Variants in LARGE1 observed in about 807,000 individuals in gnomAD.
LARGE1 encodes the protein LARGE xylosyl- and glucuronyltransferase 1.
Under a neutral mutation model 87.6 loss-of-function variants are expected in LARGE1, and 43 were observed. That is an observed-to-expected ratio of 0.49 (90% confidence interval 0.38 to 0.63). The LOEUF is 0.63. Ranked by LOEUF, LARGE1 falls within the 30% of genes least tolerant of loss-of-function variation. LARGE1 has a pLI of 0.00. For synonymous variants in LARGE1, 434 were observed against 394.6 expected (o/e 1.10, Z -1.18); for missense variants, 802 against 1,000.2 (o/e 0.80, Z 2.67).
intron 6 of LARGE1, among the ~76,000 whole-genome samples, chr22:33,448,483 T>C (rs1399803477): frequency 1.3e-5 from 2 of 152,214 alleles, no homozygotes; most frequent in Admixed American, 1.3e-4. Flanking sequence ...GTTTATCCTA[T>C]TTAATCTTCA....
chr22:33,869,404 A>G (rs2064207966), intron 1 of LARGE1, among the ~76,000 whole-genome samples: 1 of 152,156 alleles, frequency 6.6e-6, no homozygotes, highest in South Asian at 2.1e-4. Context: ...CAAGTAGGGA[A>G]AAAAAAAGTA....
At chr22:33,225,391 G>A (rs1925683374) in intron 11 of LARGE1, among the ~76,000 whole-genome samples, 1 of 152,238 alleles carries the variant, frequency 6.6e-6, no homozygotes, top group East Asian at 1.9e-4. Context: ...GCTGGGCACT[G>A]TGCTAGCTGC....
intron 5 of LARGE1, among the ~76,000 whole-genome samples, chr22:33,595,320 GAAAAAAGGTGAGTTGGGACACTT>G (rs1273528583): frequency 1.3e-5 from 2 of 152,080 alleles, no homozygotes; most frequent in African/African-American, 4.8e-5. Flanking sequence ...CTCAGGATGA[GAAAAAAGGTGAGTTGGGACACTT>G]CACTGCTTTT....
Position 33,460,060 on chromosome 22 carries a change from C to T in LARGE1, c.788-27795G>A, listed in dbSNP as rs1240771661. On this transcript the variant is annotated intron_variant, in intron 6 of 14. Transcript: ENST00000397394. ...CTGCCTCTGGACATCCCCCTGGGGT[C>T]TTCAAACGCATGGCATGGCGCTAAG... Among the ~76,000 whole-genome samples, 3 of 152,244 alleles carry T rather than the reference C, an allele frequency of 2.0e-5. 1 individual carries two copies. Among genetic ancestry groups the T allele is most frequent in the South Asian group, 4.1e-4 (2 of 4,838 alleles).
chr22:33,253,627 G>A (rs1477399019), intron 11 of LARGE1, among the ~76,000 whole-genome samples: 2 of 152,192 alleles, frequency 1.3e-5, no homozygotes, highest in African/African-American at 2.4e-5. Context: ...CAGGAGAATC[G>A]CTTGAACCCG....
chr22:33,319,189 G>C (rs144008415), intron 10 of LARGE1, among the ~76,000 whole-genome samples: 1 of 152,268 alleles, frequency 6.6e-6, no homozygotes, highest in East Asian at 1.9e-4. Context: ...CTAGAATCAT[G>C]ATGTATTTTT....
At chr22:33,744,990 A>C (rs239335) in intron 2 of LARGE1, among the ~76,000 whole-genome samples, 39,856 of 152,128 alleles carry the variant, frequency 0.26, 5,817 homozygotes, top group East Asian at 0.46. Context: ...CAAGTGCTTT[A>C]GAGCAGCACA....
At chr22:33,762,057 A>C (rs2084750823) in intron 1 of LARGE1, among the ~76,000 whole-genome samples, 2 of 151,980 alleles carry the variant, frequency 1.3e-5, no homozygotes, top group Non-Finnish European at 2.9e-5. Flanking sequence ...CTGTACTAAA[A>C]GCACAAAAAT....
At chr22:33,731,152 T>C (rs1262751522) in intron 2 of LARGE1, among the ~76,000 whole-genome samples, 2 of 151,908 alleles carry the variant, frequency 1.3e-5, no homozygotes, top group Non-Finnish European at 1.5e-5. Context: ...ACCAGGCGCC[T>C]ACCACCATGC....
At chr22:33,086,066 C>T in the LARGE1 span, among the ~76,000 whole-genome samples, 7 of 152,266 alleles carry the variant, frequency 4.6e-5, no homozygotes, top group African/African-American at 1.4e-4. Context: ...CACCTGTGCA[C>T]ATGAGGCCTT....
chr22:33,301,190 G>C (rs1036902947), intron 12 of LARGE1, among the ~76,000 whole-genome samples: 21 of 152,246 alleles, frequency 1.4e-4, no homozygotes, highest in African/African-American at 5.1e-4. Flanking sequence ...CTACTCACCA[G>C]AAAAAATGTC....
the LARGE1 span, among the ~76,000 whole-genome samples, chr22:33,101,019 A>AT: frequency 4.6e-4 from 69 of 151,414 alleles, no homozygotes; most frequent in Non-Finnish European, 8.1e-4. Flanking sequence ...CTAATTTTTT[A>AT]TTTTTAGTAG....
chr22:33,427,979 AT>A (rs1220579308), intron 7 of LARGE1, among the ~76,000 whole-genome samples: 1 of 152,088 alleles, frequency 6.6e-6, no homozygotes, highest in Non-Finnish European at 1.5e-5. Context: ...CTAAATAGTC[AT>A]TTTTTTTCCT....
chr22:33,884,328 C>G (rs73406676), intron 1 of LARGE1, among the ~76,000 whole-genome samples: 1 of 152,164 alleles, frequency 6.6e-6, no homozygotes, highest in Non-Finnish European at 1.5e-5. Flanking sequence ...GGTCACTGTA[C>G]GTTGACCCTC....
chr22:33,879,609 T>G (rs962042807), intron 1 of LARGE1, among the ~76,000 whole-genome samples: 6 of 152,340 alleles, frequency 3.9e-5, no homozygotes, highest in Non-Finnish European at 8.8e-5. Flanking sequence ...ATCGACTTAT[T>G]CTGGCAGGTC....
At chr22:33,442,031 A>G (rs752125467) in intron 6 of LARGE1, among the ~76,000 whole-genome samples, 2 of 152,240 alleles carry the variant, frequency 1.3e-5, no homozygotes, top group Non-Finnish European at 2.9e-5. Flanking sequence ...TGGCTCAGGG[A>G]TAATCCCTTC....
downstream of LARGE1, among the ~76,000 whole-genome samples, chr22:33,270,047 C>A (rs921012043): frequency 6.6e-6 from 1 of 151,658 alleles, no homozygotes; most frequent in Admixed American, 6.6e-5. Flanking sequence ...TACAACAAAC[C>A]AATGACCAAA....
chr22:33,444,430 C>T (rs1046399590), intron 6 of LARGE1, among the ~76,000 whole-genome samples: 9 of 152,136 alleles, frequency 5.9e-5, no homozygotes, highest in Non-Finnish European at 4.4e-5. Context: ...CTTGCTCTGT[C>T]ATCCAGGCTG....
intron 6 of LARGE1, among the ~76,000 whole-genome samples, chr22:33,540,400 T>G (rs980913692): frequency 2.0e-5 from 3 of 152,130 alleles, no homozygotes; most frequent in African/African-American, 7.2e-5. Flanking sequence ...GCCCTGACCT[T>G]TTCTGGTATT....
Sources: allele counts gnomAD v4.1 joint callset (sites outside exome capture counted in the v4.1 genomes callset), GRCh38; gene constraint gnomAD v4.1.1; transcripts MANE v1.5; gene names NCBI Gene and HGNC (gene_info 2026-07-23, HGNC 2026-07-21).